The following LRRIQ3 variants were observed in gnomAD, a reference collection of about 807,000 sequenced individuals.
The protein encoded by LRRIQ3 is leucine-rich repeat and IQ domain-containing protein 3.
Under a neutral mutation model 59.3 loss-of-function variants are expected in LRRIQ3, and 75 were observed. The observed-to-expected ratio is 1.26, with a 90% confidence interval of 1.05 to 1.53. The LOEUF (loss-of-function observed/expected upper bound fraction) is 1.53. LRRIQ3 is among the 40% of genes most tolerant of loss of function. The pLI, the probability that LRRIQ3 is intolerant of heterozygous loss-of-function variation, is 0.00. For missense variants in LRRIQ3, 831 were observed against 710.0 expected (o/e 1.17, Z -1.94); for synonymous variants, 250 against 231.3 (o/e 1.08, Z -0.73).
In LRRIQ3 at chr1:74,155,859, G is replaced by A. The variant is rs764716350; in HGVS notation, c.581C>T (p.Thr194Ile). The A allele has an allele frequency of 1.4e-6, 2 of 1,395,882 alleles. No homozygotes were observed. Among genetic ancestry groups the A allele is most frequent in the South Asian group, 1.5e-5 (1 of 67,248 alleles). 86.5% of individuals were successfully genotyped at this position (1,395,882 alleles called of 1,614,324 possible). The change falls in exon 4 of 8, where the codon ACC becomes ATC. Residue 194 changes from threonine (T) to isoleucine (I), a missense_variant. Coordinates refer to ENST00000354431, the MANE Select transcript of LRRIQ3 (RefSeq NM_001105659.2). ...AATATTATTAATTTCCTCTTCATAG[G>A]TTGTTCCCTGTATAAAGAAAATATA... ...NFCPALRKGTTYEEEINNIKH... is the reference protein window; with the variant it reads ...NFCPALRKGTIYEEEINNIKH...
chr1:74,048,521 G>A (rs1387701802), intron 6 of LRRIQ3, among the ~76,000 whole-genome samples: 3 of 152,002 alleles, frequency 2.0e-5, no homozygotes, highest in Non-Finnish European at 1.5e-5. Flanking sequence ...GTAGCTTCTG[G>A]CTTCCTAGAA....
intron 4 of LRRIQ3, among the ~76,000 whole-genome samples, chr1:74,125,583 G>C (rs144415084): frequency 1.3e-5 from 2 of 151,796 alleles, no homozygotes; most frequent in Admixed American, 6.6e-5. Flanking sequence ...TGTGTCAAAT[G>C]CTTTTTCAGT....
At chr1:74,045,928 C>T (rs1165863222) in intron 6 of LRRIQ3, among the ~76,000 whole-genome samples, 1 of 152,086 alleles carries the variant, frequency 6.6e-6, no homozygotes, top group African/African-American at 2.4e-5. Flanking sequence ...TCAAGGAGAA[C>T]TACAAGCCAC....
At chr1:74,105,639 G>T (rs1646601587) in intron 5 of LRRIQ3, among the ~76,000 whole-genome samples, 1 of 151,812 alleles carries the variant, frequency 6.6e-6, no homozygotes, top group Non-Finnish European at 1.5e-5. Flanking sequence ...CAGCTCATCA[G>T]ATTTAAAAAT....
chr1:74,087,335 A>G (rs547709201), intron 5 of LRRIQ3, among the ~76,000 whole-genome samples: 1 of 124,246 alleles, frequency 8.0e-6, no homozygotes, highest in East Asian at 2.4e-4. Context: ...CTTAGTTAGC[A>G]TTTTCCTTCC....
chr1:74,060,249 T>G (rs796353837), intron 6 of LRRIQ3, among the ~76,000 whole-genome samples: 2 of 127,182 alleles, frequency 1.6e-5, no homozygotes, highest in Non-Finnish European at 3.4e-5. Context: ...CTTCTTCTTC[T>G]TCTTCTTCCT....
rs558133693 is a variant in LRRIQ3, at chr1:74,079,518, T to C, written c.868-4728A>G. ...AGAAATAGTCCTCCTCCTATTATTC[T>C]CTATCTCAACATCCTACTTGTTTTA... is the stretch of plus-strand genomic sequence containing the variant. On this transcript the variant is annotated intron_variant, in intron 5 of 7. Coordinates refer to ENST00000354431, the MANE Select transcript of LRRIQ3 (RefSeq NM_001105659.2). Among the ~76,000 whole-genome samples, 5 of 151,960 alleles carry C rather than the reference T, an allele frequency of 3.3e-5. No homozygotes were observed. The South Asian group carries it at 1.0e-3, about 31-fold the overall frequency.
At chr1:74,137,170 T>C (rs899842180) in intron 4 of LRRIQ3, among the ~76,000 whole-genome samples, 1 of 151,916 alleles carries the variant, frequency 6.6e-6, no homozygotes, top group Non-Finnish European at 1.5e-5. Context: ...CTCTTTAAAT[T>C]TTTTTAAATT....
Position 74,041,336 on chromosome 1 carries a change from A to C in LRRIQ3, c.1595T>G (p.Leu532Arg), listed in dbSNP as rs770094440. 1.9e-6 allele frequency: 3 copies of C among 1,613,740 alleles called. No individual in the cohort carries two copies. Among genetic ancestry groups the C allele is most frequent in the Non-Finnish European group, 2.5e-6 (3 of 1,179,894 alleles). The change falls in exon 7 of 8, where the codon CTA (leucine) becomes CGA (arginine). Residue 532 changes from leucine to arginine, a missense_variant. Transcript: ENST00000354431. Reference sequence around the variant, plus strand: ...CTTCTCCAGTCTGTCAATTTTAAGTAGTCCTCTGGTCAAAAGAGTGCGCTC... The same window carrying C: ...CTTCTCCAGTCTGTCAATTTTAAGTCGTCCTCTGGTCAAAAGAGTGCGCTC... Reference protein sequence around the residue: ...NNERTLLTRGLLKIDRLEKNE... With the variant: ...NNERTLLTRGRLKIDRLEKNE...
chr1:74,123,390 A>G (rs1249781300), intron 4 of LRRIQ3, among the ~76,000 whole-genome samples: 3 of 151,862 alleles, frequency 2.0e-5, no homozygotes, highest in African/African-American at 4.8e-5. Flanking sequence ...TAAATACTAG[A>G]TCTTATTCAT....
At chr1:74,173,312 A>T (rs1649441862) in intron 3 of LRRIQ3, among the ~76,000 whole-genome samples, 1 of 146,800 alleles carries the variant, frequency 6.8e-6, no homozygotes, top group Admixed American at 6.9e-5. Context: ...AAAAAAAAAA[A>T]TCCATTCACT....
chr1:74,031,721 C>T (rs1170639593), intron 7 of LRRIQ3, among the ~76,000 whole-genome samples: 3 of 151,940 alleles, frequency 2.0e-5, no homozygotes, highest in African/African-American at 4.8e-5. Context: ...TGTAACAAAC[C>T]TGCACGTTGT....
intron 6 of LRRIQ3, among the ~76,000 whole-genome samples, chr1:74,066,943 A>G (rs1281856486): frequency 6.6e-6 from 1 of 152,164 alleles, no homozygotes; most frequent in Non-Finnish European, 1.5e-5. Flanking sequence ...GAAGTGACAC[A>G]CTTACTTTGA....
chr1:74,067,868 T>C (rs772935642), intron 6 of LRRIQ3, among the ~76,000 whole-genome samples: 1 of 152,126 alleles, frequency 6.6e-6, no homozygotes, highest in African/African-American at 2.4e-5. Flanking sequence ...GCTTTCCATA[T>C]GTGCAAGGCC....
At chr1:74,098,114 T>C (rs542889193) in intron 5 of LRRIQ3, among the ~76,000 whole-genome samples, 1 of 151,996 alleles carries the variant, frequency 6.6e-6, no homozygotes, top group South Asian at 2.1e-4. Flanking sequence ...GACTGGCAAA[T>C]TGGATAAAGA....
In LRRIQ3 at chr1:74,041,432, C is replaced by T; in HGVS notation, c.1499G>A (p.Arg500Lys). The change falls in exon 7 of 8, where the codon AGA becomes AAA. Residue 500 changes from arginine (R) to lysine (K), a missense_variant. By Grantham distance (26) the Arg-to-Lys change is conservative. Transcript: ENST00000354431. ...RFNYLEKARE[R>K]KALFLKEKSQ... Reference sequence around the variant, plus strand: ...TTTTTCTTTTAGAAACAGAGCTTTTCTCTCTCTAGCTTTTTCAAGGTAGTT... The same window carrying T: ...TTTTTCTTTTAGAAACAGAGCTTTTTTCTCTCTAGCTTTTTCAAGGTAGTT... The T allele has an allele frequency of 6.2e-7, 1 of 1,613,662 alleles. No individual in the cohort carries two copies. The highest frequency in any genetic ancestry group is 8.5e-7 in the Non-Finnish European group (1 of 1,179,838).
chr1:74,108,380 A>T (rs1334999996), intron 5 of LRRIQ3, among the ~76,000 whole-genome samples: 1 of 151,834 alleles, frequency 6.6e-6, no homozygotes, highest in Non-Finnish European at 1.5e-5. Context: ...GTTGGCACTG[A>T]GTGCTGATGA....
intron 3 of LRRIQ3, among the ~76,000 whole-genome samples, chr1:74,168,807 G>T (rs1476902339): frequency 6.6e-6 from 1 of 151,898 alleles, no homozygotes; most frequent in Non-Finnish European, 1.5e-5. Context: ...AATTATGTAT[G>T]GACATATGTA....
intron 6 of LRRIQ3, 128 bp downstream of exon 6, chr1:74,074,533 G>A: frequency 2.8e-6 from 1 of 357,522 alleles, no homozygotes; most frequent in East Asian, 5.5e-5. Context: ...TTATCTAGAA[G>A]TCTCAACATA....
Sources: gnomAD v4.1 joint callset for allele counts (sites outside exome capture counted in the v4.1 genomes callset) on GRCh38, gnomAD v4.1.1 for gene constraint, MANE v1.5 for transcripts, NCBI Gene and HGNC (gene_info 2026-07-23, HGNC 2026-07-21) for gene names.